Variants in ZMIZ1 observed in about 807,000 individuals in gnomAD.
ZMIZ1 encodes the protein zinc finger MIZ domain-containing protein 1.
Under a neutral mutation model 113.9 loss-of-function variants are expected in ZMIZ1, and 17 were observed. The ratio of observed to expected loss-of-function variants is 0.15; its 90% CI spans 0.10 to 0.22. ZMIZ1 has a LOEUF of 0.22. ZMIZ1 is among the 10% of genes least tolerant of loss of function. ZMIZ1 has a pLI of 1.00. For missense variants in ZMIZ1, 1,059 were observed against 1,477.8 expected, an observed-to-expected ratio of 0.72 and a Z score of 4.65; for synonymous variants, 607 against 603.1, an observed-to-expected ratio of 1.01 and a Z score of -0.09.
intron 7 of ZMIZ1, among the ~76,000 whole-genome samples, chr10:79,261,228 C>G (rs1324631581): frequency 6.6e-6 from 1 of 152,236 alleles, no homozygotes; most frequent in South Asian, 2.1e-4. Flanking sequence ...CCATCCAGTT[C>G]GTGCTTGCCC....
chr10:79,313,391 C>T lies in ZMIZ1; in HGVS notation c.*642C>T, dbSNP rs1855330131. 1 of 155,882 alleles carries T rather than the reference C, an allele frequency of 6.4e-6. No homozygotes were observed. The highest frequency in any genetic ancestry group is 1.4e-5 in the Non-Finnish European group (1 of 70,616). 9.7% of individuals were successfully genotyped at this position (155,882 alleles called of 1,614,324 possible). ...AGCCAAGATACCCCATAAACACACTCAGAAAGCAGAGAAAAAGGACAAGAG... is the reference window on the plus strand; with the variant it reads ...AGCCAAGATACCCCATAAACACACTTAGAAAGCAGAGAAAAAGGACAAGAG... On this transcript the variant is annotated 3_prime_UTR_variant, in exon 25 of 25. Transcript: ENST00000334512.
intron 1 of ZMIZ1, among the ~76,000 whole-genome samples, chr10:79,107,648 A>G (rs894336345): frequency 6.6e-6 from 1 of 152,186 alleles, no homozygotes. Flanking sequence ...CACTACTCGG[A>G]GGCATTCAGA....
chr10:79,127,321 G>A (rs1844561452), intron 2 of ZMIZ1, among the ~76,000 whole-genome samples: 2 of 152,152 alleles, frequency 1.3e-5, no homozygotes, highest in African/African-American at 4.8e-5. Context: ...TCTCTCTCAT[G>A]CCTCTCCTAT....
At chr10:79,277,836 C>T (rs555832592) in intron 8 of ZMIZ1, among the ~76,000 whole-genome samples, 1 of 152,352 alleles carries the variant, frequency 6.6e-6, no homozygotes, top group African/African-American at 2.4e-5. Context: ...CTGTGCCAGC[C>T]TCAGAAGGAG....
At chr10:79,120,324 G>T (rs1000151601) in intron 2 of ZMIZ1, among the ~76,000 whole-genome samples, 3 of 152,102 alleles carry the variant, frequency 2.0e-5, no homozygotes, top group Admixed American at 6.5e-5. Flanking sequence ...ACACATACAC[G>T]GGCACAAACT....
At chr10:79,256,271 A>G (rs761522384) in intron 7 of ZMIZ1, among the ~76,000 whole-genome samples, 5 of 152,128 alleles carry the variant, frequency 3.3e-5, no homozygotes, top group East Asian at 1.9e-4. Flanking sequence ...CAGCTCCCCA[A>G]TATCCCCCTT....
At chr10:79,122,333 C>G (rs945488582) in intron 2 of ZMIZ1, among the ~76,000 whole-genome samples, 5 of 152,156 alleles carry the variant, frequency 3.3e-5, no homozygotes. Context: ...GGAGTGGCAA[C>G]TCTTTCCGTC....
chr10:79,257,358 C>A (rs937369843), intron 7 of ZMIZ1, among the ~76,000 whole-genome samples: 1 of 152,242 alleles, frequency 6.6e-6, no homozygotes, highest in Non-Finnish European at 1.5e-5. Flanking sequence ...CCTGGTGCCA[C>A]TGAGGGCCTC....
chr10:79,121,316 C>T (rs2132332993), intron 2 of ZMIZ1, among the ~76,000 whole-genome samples: 1 of 152,318 alleles, frequency 6.6e-6, no homozygotes, highest in Non-Finnish European at 1.5e-5. Flanking sequence ...CTGCACCCAC[C>T]TCAATTCAAC....
chr10:79,236,143 C>T (rs1016312760), intron 7 of ZMIZ1, among the ~76,000 whole-genome samples: 1 of 152,180 alleles, frequency 6.6e-6, no homozygotes, highest in Non-Finnish European at 1.5e-5. Context: ...GGCTGGGACA[C>T]CTGGTATAGT....
chr10:79,101,962 G>A (rs1843380028), intron 1 of ZMIZ1, among the ~76,000 whole-genome samples: 1 of 152,192 alleles, frequency 6.6e-6, no homozygotes, highest in Non-Finnish European at 1.5e-5. Flanking sequence ...AGGTCACACG[G>A]CAAGTGGGAC....
chr10:79,309,701 A>G (rs567335479), intron 23 of ZMIZ1, among the ~76,000 whole-genome samples: 28 of 152,348 alleles, frequency 1.8e-4, no homozygotes, highest in African/African-American at 6.0e-4. Context: ...GGGGATGGGC[A>G]AAGACCGAGG....
At chr10:79,123,004 C>G (rs1183201058) in intron 2 of ZMIZ1, among the ~76,000 whole-genome samples, 1 of 152,246 alleles carries the variant, frequency 6.6e-6, no homozygotes, top group East Asian at 1.9e-4. Flanking sequence ...GCGCCCAGCC[C>G]TGCTTTTCCC....
At chr10:79,297,824 T>G in intron 14 of ZMIZ1, 134 bp downstream of exon 14, 2 of 712,078 alleles carry the variant, frequency 2.8e-6, no homozygotes, top group Non-Finnish European at 4.8e-6. Context: ...TGGTCCCCTG[T>G]CCTGGGGACA....
chr10:79,313,106 C>G lies in ZMIZ1; in HGVS notation c.*357C>G. ...GCGTGTGCCGATTCCAGATGACCTT[C>G]CAGTGTCCCCAAGGTTCTTCCATCT... On this transcript the variant is annotated 3_prime_UTR_variant, in exon 25 of 25. Transcript: ENST00000334512. 3.9e-6 allele frequency: 1 copy of G among 256,440 alleles called. No homozygotes were observed. The highest frequency in any genetic ancestry group is 7.6e-6 in the Non-Finnish European group (1 of 131,282). The allele number at this position is 256,440 out of a possible 1,614,324, so 15.9% of individuals were successfully genotyped here.
Position 79,296,904 on chromosome 10 carries a change from C to T in ZMIZ1, c.1413+251C>T, listed in dbSNP as rs11002912. The T allele has an allele frequency of 0.017, 6,691 of 388,546 alleles. 391 individuals carry two copies. The highest frequency in any genetic ancestry group is 0.12 in the African/African-American group (5,937 of 48,206). 24.1% of individuals were successfully genotyped at this position (388,546 alleles called of 1,614,324 possible). A position where few individuals can be genotyped will look rare whatever the true frequency, so the allele number is the denominator to read the frequency against. On this transcript the variant is annotated intron_variant, in intron 13 of 24. Transcript: ENST00000334512. This position sits in a 1 kb window ranked among gnomAD's most constrained non-coding sequence, Gnocchi z 4.1. ...TTTTCTCCTTTTCTTATTCACGGCA[C>T]TCACAAAATAATAAAGGAAATATAT...
chr10:79,265,093 G>C (rs561491949), intron 7 of ZMIZ1, among the ~76,000 whole-genome samples: 1 of 152,314 alleles, frequency 6.6e-6, no homozygotes, highest in Admixed American at 6.5e-5. Flanking sequence ...CTGGAGTTCA[G>C]TTCCCAGGGT....
chr10:79,081,857 G>A (rs996573883), intron 1 of ZMIZ1, among the ~76,000 whole-genome samples: 2 of 152,342 alleles, frequency 1.3e-5, no homozygotes, highest in East Asian at 3.9e-4. Context: ...CTGCATCGGG[G>A]AGTGTAATGT....
chr10:79,088,425 T>TG (rs1225802115), intron 1 of ZMIZ1, among the ~76,000 whole-genome samples: 1 of 152,172 alleles, frequency 6.6e-6, no homozygotes, highest in Non-Finnish European at 1.5e-5. Context: ...GCCATGGTGC[T>TG]GGGGGAGGGC....
Sources: allele counts gnomAD v4.1 joint callset (sites outside exome capture counted in the v4.1 genomes callset), GRCh38; gene constraint gnomAD v4.1.1; non-coding constraint Gnocchi (gnomAD v3.1); transcripts MANE v1.5; gene names NCBI Gene and HGNC (gene_info 2026-07-23, HGNC 2026-07-21).